RBFOX1: variants seen among roughly 807,000 people sequenced by gnomAD.
The protein encoded by RBFOX1 is RNA binding fox-1 homolog 1.
In RBFOX1, 8 loss-of-function variants were observed where a neutral mutation model predicts 57.7. The ratio of observed to expected loss-of-function variants is 0.14; its 90% confidence interval spans 0.08 to 0.25. The LOEUF is 0.25. Ranked by LOEUF, RBFOX1 falls within the 10% of genes least tolerant of loss-of-function variation. The probability of loss-of-function intolerance (pLI) is 1.00; values close to 1 mark genes in which losing one functional copy is unlikely to be tolerated. For missense variants in RBFOX1, 611 were observed against 548.5 expected (o/e 1.11, Z -1.14); for synonymous variants, 326 against 222.4 (o/e 1.47, Z -4.15).
At chr16:6,190,315 A>C (rs998553746) in intron 1 of RBFOX1, among the ~76,000 whole-genome samples, 12 of 152,170 alleles carry the variant, frequency 7.9e-5, no homozygotes, top group Non-Finnish European at 1.6e-4. Context: ...CTAAGTAGTA[A>C]TGTTAGGATG....
At chr16:7,215,725 A>ATTTTTTTT (rs56108914) in intron 4 of RBFOX1, among the ~76,000 whole-genome samples, 1 of 133,340 alleles carries the variant, frequency 7.5e-6, no homozygotes, top group African/African-American at 2.9e-5. Context: ...CCTATTCTGG[A>ATTTTTTTT]TTTTTTTTTT....
chr16:5,719,201 TC>T (rs2051834987), intron 3 of RBFOX1, among the ~76,000 whole-genome samples: 2 of 106,498 alleles, frequency 1.9e-5, no homozygotes, highest in African/African-American at 3.8e-5. Flanking sequence ...CATATTAGAA[TC>T]TTTTTTTTTT....
chr16:7,632,349 C>T (rs943756744), intron 11 of RBFOX1, among the ~76,000 whole-genome samples: 3 of 152,170 alleles, frequency 2.0e-5, no homozygotes, highest in Admixed American at 1.3e-4. Flanking sequence ...GAAGGGCCTC[C>T]TTGGGGCCAG....
At chr16:5,297,262 C>T (rs74508194) in intron 1 of RBFOX1, among the ~76,000 whole-genome samples, 1 of 152,316 alleles carries the variant, frequency 6.6e-6, no homozygotes, top group Non-Finnish European at 1.5e-5. Context: ...AGCTTCTTCA[C>T]CCAGATGTGT....
At chr16:7,682,344 T>C (rs1050140981) in intron 14 of RBFOX1, among the ~76,000 whole-genome samples, 7 of 152,018 alleles carry the variant, frequency 4.6e-5, no homozygotes, top group African/African-American at 1.7e-4. Context: ...AACAAGGAAC[T>C]GAGGATGGAG....
intron 3 of RBFOX1, among the ~76,000 whole-genome samples, chr16:6,750,426 G>C (rs1309752293): frequency 6.6e-6 from 1 of 152,142 alleles, no homozygotes; most frequent in South Asian, 2.1e-4. Context: ...GGTGGCTCAG[G>C]AGTAAATTAT....
chr16:7,178,261 G>T (rs1163835905), intron 4 of RBFOX1, among the ~76,000 whole-genome samples: 1 of 152,208 alleles, frequency 6.6e-6, no homozygotes, highest in African/African-American at 2.4e-5. Flanking sequence ...CTATCAGCCT[G>T]TCGCTTTAGT....
At chr16:5,628,829 C>A (rs1424169239) in intron 3 of RBFOX1, among the ~76,000 whole-genome samples, 1 of 152,332 alleles carries the variant, frequency 6.6e-6, no homozygotes, top group East Asian at 1.9e-4. Flanking sequence ...GCACCCTTGT[C>A]TGTCCTATTC....
At chr16:5,719,189 T>A (rs2051834296) in intron 3 of RBFOX1, among the ~76,000 whole-genome samples, 1 of 146,098 alleles carries the variant, frequency 6.8e-6, no homozygotes, top group African/African-American at 2.6e-5. Flanking sequence ...CCACCCATAC[T>A]TCATATTAGA....
intron 4 of RBFOX1, among the ~76,000 whole-genome samples, chr16:7,063,303 C>T (rs1309226349): frequency 6.6e-6 from 1 of 152,026 alleles, no homozygotes; most frequent in Non-Finnish European, 1.5e-5. Context: ...TTCCCCCCAA[C>T]CCCAGGGGAC....
At chr16:6,701,798 C>T (rs974800455) in intron 3 of RBFOX1, among the ~76,000 whole-genome samples, 5 of 152,150 alleles carry the variant, frequency 3.3e-5, no homozygotes, top group African/African-American at 1.2e-4. Flanking sequence ...GTGTCCTTTG[C>T]AGCAACATGG....
chr16:7,368,265 GAAAAAA>G (rs111544738), intron 4 of RBFOX1, among the ~76,000 whole-genome samples: 2 of 118,564 alleles, frequency 1.7e-5, no homozygotes, highest in East Asian at 4.9e-4. Flanking sequence ...AGACTGTCTC[GAAAAAA>G]AAAAAAAAGA....
intron 3 of RBFOX1, among the ~76,000 whole-genome samples, chr16:6,672,651 A>G (rs1376041673): frequency 6.6e-6 from 1 of 152,136 alleles, no homozygotes; most frequent in Non-Finnish European, 1.5e-5. Flanking sequence ...AGGTCCTGAA[A>G]TGATTCCATA....
chr16:5,676,384 T>C (rs1285008656), intron 3 of RBFOX1, among the ~76,000 whole-genome samples: 1 of 152,116 alleles, frequency 6.6e-6, no homozygotes, highest in Admixed American at 6.6e-5. Context: ...CCCATATATG[T>C]GTGTGTGTGA....
chr16:7,207,932 A>T (rs779663668), intron 4 of RBFOX1, among the ~76,000 whole-genome samples: 26 of 152,260 alleles, frequency 1.7e-4, no homozygotes, highest in Non-Finnish European at 3.1e-4. Context: ...CCTTCCTCTC[A>T]ATCTTAGTCC....
At chr16:6,627,618 A>G (rs1370149011) in intron 2 of RBFOX1, among the ~76,000 whole-genome samples, 2 of 152,186 alleles carry the variant, frequency 1.3e-5, no homozygotes, top group African/African-American at 2.4e-5. Context: ...ATTAACGCCT[A>G]TACTTAAGAA....
rs190901422 is a variant in RBFOX1, at chr16:5,636,751, G to T, written c.318+37790G>T. ...GTGGACCAGGTGAGACCGCAGGGTTGCCTTCCAGAGCTATTCTTGCTTGTT... is the reference window on the plus strand; with the variant it reads ...GTGGACCAGGTGAGACCGCAGGGTTTCCTTCCAGAGCTATTCTTGCTTGTT... On this transcript the variant is annotated intron_variant, in intron 3 of 19. Coordinates refer to the RBFOX1 transcript ENST00000641259. Among the ~76,000 whole-genome samples the T allele has an allele frequency of 2.0e-3, 307 of 152,350 alleles. 1 individual carries two copies. Among genetic ancestry groups the T allele is most frequent in the Non-Finnish European group, 3.2e-3 (219 of 68,034 alleles).
At chr16:6,190,014 G>C (rs1039406201) in intron 1 of RBFOX1, among the ~76,000 whole-genome samples, 1 of 152,150 alleles carries the variant, frequency 6.6e-6, no homozygotes, top group Non-Finnish European at 1.5e-5. Context: ...TGAAATTTCA[G>C]TGAAAGAGAT....
At chr16:6,278,736 G>A (rs1354103332) in intron 1 of RBFOX1, among the ~76,000 whole-genome samples, 3 of 152,006 alleles carry the variant, frequency 2.0e-5, no homozygotes, top group African/African-American at 7.3e-5. Flanking sequence ...ATACAGCTTA[G>A]AGCAGAGTAG....
Sources: gnomAD v4.1 joint callset for allele counts (sites outside exome capture counted in the v4.1 genomes callset) on GRCh38, gnomAD v4.1.1 for gene constraint, MANE v1.5 for transcripts, NCBI Gene and HGNC (gene_info 2026-07-23, HGNC 2026-07-21) for gene names.